HERC1: variants seen among roughly 807,000 people sequenced by gnomAD.
HERC1 encodes probable E3 ubiquitin-protein ligase HERC1.
In HERC1, 160 loss-of-function variants were observed where a neutral mutation model predicts 554.3. The observed-to-expected ratio is 0.29, with a 90% confidence interval of 0.25 to 0.33. The LOEUF is 0.33. Ranked by LOEUF, HERC1 falls within the 10% of genes least tolerant of loss-of-function variation. HERC1 has a pLI of 1.00. For synonymous variants in HERC1, 2,175 were observed against 2,131.7 expected (o/e 1.02, Z -0.56); for missense variants, 4,919 against 5,918.5 (o/e 0.83, Z 5.54).
chr15:63,680,320 A>G lies in HERC1; in HGVS notation c.6466-160T>C, dbSNP rs2071413649. Reference sequence around the variant, plus strand: ...GCTAACCGAGAAAATTCTACATATAATAAGTGATCATAATGTGTTCATCTG... The same window carrying G: ...GCTAACCGAGAAAATTCTACATATAGTAAGTGATCATAATGTGTTCATCTG... On this transcript the variant is annotated intron_variant, in intron 35 of 77. Coordinates refer to ENST00000443617, the MANE Select transcript of HERC1 (RefSeq NM_003922.4). The surrounding 1 kb of genome is among the most constrained non-coding windows in gnomAD (Gnocchi z 5.8). 6.6e-6 allele frequency among the ~76,000 whole-genome samples: 1 copy of G among 152,230 alleles called. No individual in the cohort carries two copies. The highest frequency in any genetic ancestry group is 2.4e-5 in the African/African-American group (1 of 41,454).
At chr15:63,641,717 G>A (rs556523267) in intron 59 of HERC1, 74 bp from the exon 60 acceptor site, 18 of 1,255,178 alleles carry the variant, frequency 1.4e-5, no homozygotes, top group Admixed American at 1.2e-4. Flanking sequence ...TTTAATCTGC[G>A]AAATTCCTTC....
Position 63,612,650 on chromosome 15 carries a change from C to T in HERC1, c.14095-94G>A. ...GGCTAGGCGCCTCCTGATGCCTGCTCGTCCGCTCCCCAGACCCTCTACTTG... is the reference window on the plus strand; with the variant it reads ...GGCTAGGCGCCTCCTGATGCCTGCTTGTCCGCTCCCCAGACCCTCTACTTG... On this transcript the variant is annotated intron_variant, in intron 76 of 77. Transcript: ENST00000443617. This position sits in a 1 kb window ranked among gnomAD's most constrained non-coding sequence, Gnocchi z 5.0. The T allele has an allele frequency of 1.3e-5, 16 of 1,202,006 alleles. No individual in the cohort carries two copies. Among genetic ancestry groups the T allele is most frequent in the Non-Finnish European group, 1.7e-5 (15 of 859,370 alleles). 74.5% of individuals were successfully genotyped at this position (1,202,006 alleles called of 1,614,324 possible). A position where few individuals can be genotyped will look rare whatever the true frequency, so the allele number is the denominator to read the frequency against.
At chr15:63,747,966 CT>C in intron 10 of HERC1, 108 bp from the exon 11 acceptor site, 1 of 1,096,238 alleles carries the variant, frequency 9.1e-7, no homozygotes, top group Non-Finnish European at 1.3e-6. Flanking sequence ...TGGCTCATGC[CT>C]GTAATCCTAG....
intron 25 of HERC1, among the ~76,000 whole-genome samples, chr15:63,705,644 A>T (rs932581983): frequency 2.6e-5 from 4 of 151,996 alleles, no homozygotes; most frequent in Non-Finnish European, 5.9e-5. Flanking sequence ...ATGAAAAAAA[A>T]TTTTTTCACA....
chr15:63,614,607 A>G (rs2067737174), intron 76 of HERC1, among the ~76,000 whole-genome samples: 1 of 152,196 alleles, frequency 6.6e-6, no homozygotes, highest in Non-Finnish European at 1.5e-5. Context: ...ACTTCAAATC[A>G]CTAAACTTCT....
chr15:63,800,586 T>C (rs1241747325), intron 1 of HERC1, among the ~76,000 whole-genome samples: 2 of 152,208 alleles, frequency 1.3e-5, no homozygotes, highest in Non-Finnish European at 2.9e-5. Context: ...AAGGTATCCC[T>C]GACTATACCC....
chr15:63,745,888 T>G (rs1474855369), intron 12 of HERC1, among the ~76,000 whole-genome samples: 1 of 152,188 alleles, frequency 6.6e-6, no homozygotes, highest in East Asian at 1.9e-4. Context: ...ATCTTGTCTT[T>G]CATTCCTGAT....
intron 12 of HERC1, among the ~76,000 whole-genome samples, chr15:63,745,659 G>GT (rs1420368965): frequency 2.0e-5 from 3 of 152,204 alleles, no homozygotes; most frequent in South Asian, 2.1e-4. Flanking sequence ...ATTCAGGACT[G>GT]TTTTTTCTAT....
At chr15:63,640,564 G>T in intron 60 of HERC1, 119 bp from the exon 61 acceptor site, 1 of 835,064 alleles carries the variant, frequency 1.2e-6, no homozygotes, top group Non-Finnish European at 1.8e-6. Context: ...TAAGCTTTTT[G>T]CTAGGAAATA....
Position 63,691,188 on chromosome 15 carries a change from G to A in HERC1, c.5831-541C>T, listed in dbSNP as rs748257516. On this transcript the variant is annotated intron_variant, in intron 31 of 77. Transcript: ENST00000443617. ...ACTTTTCTAAAGTAAGCCAACAGCC[G>A]GGCATGGTGACCCATGCCTGTAATC... is the stretch of plus-strand genomic sequence containing the variant. Among the ~76,000 whole-genome samples the A allele has an allele frequency of 4.6e-5, 7 of 152,260 alleles. No individual in the cohort carries two copies. The East Asian group carries it at 5.8e-4, about 13-fold the overall frequency.
chr15:63,831,673 T>C (rs1404984573), intron 1 of HERC1, among the ~76,000 whole-genome samples: 1 of 151,908 alleles, frequency 6.6e-6, no homozygotes, highest in Non-Finnish European at 1.5e-5. Context: ...TATTAGGGAG[T>C]ATTCAGTATG....
rs777749353 is a variant in HERC1, at chr15:63,775,435, T to C, written c.189A>G (p.Pro63=). 1.2e-6 allele frequency: 2 copies of C among 1,614,030 alleles called. No individual in the cohort carries two copies. The highest frequency in any genetic ancestry group is 1.1e-5 in the South Asian group (1 of 91,084). ...TTGAAAGAGACTCACGTTCAAAGTC[T>C]GGCAACTGTGGTCCTTTGAGGCATA... is the stretch of plus-strand genomic sequence containing the variant. ...QVLCLKGPQL[P]DFERESLSSD... is the part of the protein sequence containing the mutation. Residue 63 remains proline (P), a synonymous_variant, in exon 2 of 78, where the codon CCA becomes CCG. Coordinates refer to ENST00000443617, the MANE Select transcript of HERC1 (RefSeq NM_003922.4). The surrounding 1 kb of genome is among the most constrained non-coding windows in gnomAD (Gnocchi z 4.0).
intron 17 of HERC1, among the ~76,000 whole-genome samples, chr15:63,726,517 C>A (rs1005716082): frequency 2.0e-5 from 3 of 152,052 alleles, no homozygotes; most frequent in African/African-American, 7.2e-5. Context: ...CAGGATATAA[C>A]CATAGATATA....
At chr15:63,657,339 C>T (rs2070101763) in intron 48 of HERC1, among the ~76,000 whole-genome samples, 1 of 146,238 alleles carries the variant, frequency 6.8e-6, no homozygotes, top group African/African-American at 2.5e-5. Flanking sequence ...AAGGGTTCTT[C>T]CCGTCTTGGC....
chr15:63,658,457 T>C (rs1213610175), intron 48 of HERC1, 87 bp downstream of exon 48: 1 of 1,186,200 alleles, frequency 8.4e-7, no homozygotes, highest in Admixed American at 2.6e-5. Context: ...TCTAAAATTC[T>C]ATCTCACCCT....
At chr15:63,674,317 A>G (rs764593420) in intron 38 of HERC1, 25 bp downstream of exon 38, 1 of 1,506,350 alleles carries the variant, frequency 6.6e-7, no homozygotes, top group Non-Finnish European at 8.9e-7. Context: ...ACAAAAGCAA[A>G]AAAAAAAAAA....
chr15:63,608,910 T>G lies in HERC1; in HGVS notation c.*171A>C. On this transcript the variant is annotated 3_prime_UTR_variant, in exon 78 of 78. Transcript: ENST00000443617. The stretch of plus-strand genomic sequence containing the variant: ...TTGTTTTTGTACAATCACAGAAAAA[T>G]AAAAACATCTAATTTCTTTGTTACA... 1 of 523,872 alleles carries G rather than the reference T, an allele frequency of 1.9e-6. No individual in the cohort carries two copies. Among genetic ancestry groups the G allele is most frequent in the Non-Finnish European group, 3.0e-6 (1 of 328,632 alleles). 32.5% of individuals were successfully genotyped at this position (523,872 alleles called of 1,614,324 possible).
intron 1 of HERC1, among the ~76,000 whole-genome samples, chr15:63,791,790 A>G (rs143013371): frequency 7.2e-5 from 11 of 152,334 alleles, no homozygotes; most frequent in Admixed American, 6.5e-4. Context: ...TTTCCTTACT[A>G]AGAATAAAGA....
Position 63,775,613 on chromosome 15 carries a change from A to G in HERC1, c.11T>C (p.Met4Thr). Residue 4 changes from methionine to threonine, a missense_variant, in exon 2 of 78, where the codon ATG becomes ACG. Physicochemically the swap from Met to Thr is moderately conservative, Grantham distance 81 (BLOSUM62 -1). Coordinates refer to ENST00000443617, the MANE Select transcript of HERC1 (RefSeq NM_003922.4). The surrounding 1 kb of genome is among the most constrained non-coding windows in gnomAD (Gnocchi z 4.0). ...CCATTTCAGCTTCACTGGTGGAATC[A>G]TAGTTGCCATGTTGATTTATCCTTC... MAT[M>T]IPPVKLKWLE... 8 of 1,593,438 alleles carry G rather than the reference A, an allele frequency of 5.0e-6. No homozygotes were observed. Among genetic ancestry groups the G allele is most frequent in the Non-Finnish European group, 6.0e-6 (7 of 1,171,292 alleles).
Sources: gnomAD v4.1 joint callset for allele counts (sites outside exome capture counted in the v4.1 genomes callset) on GRCh38, gnomAD v4.1.1 for gene constraint, Gnocchi (gnomAD v3.1) non-coding constraint, MANE v1.5 for transcripts, NCBI Gene and HGNC (gene_info 2026-07-23, HGNC 2026-07-21) for gene names.